The following GRIK4 variants were observed in gnomAD, a reference collection of about 807,000 sequenced individuals.
GRIK4 encodes the protein glutamate ionotropic receptor kainate type subunit 4.
A neutral mutation model predicts 104.9 loss-of-function variants in GRIK4; 40 were observed. The ratio of observed to expected loss-of-function variants is 0.38; its 90% CI spans 0.30 to 0.50. GRIK4 has a LOEUF of 0.50. GRIK4 is among the 20% of genes least tolerant of loss of function. GRIK4 has a pLI of 0.93. For missense variants in GRIK4, 1,047 were observed against 1,308.1 expected, an observed-to-expected ratio of 0.80 and a Z score of 3.08; for synonymous variants, 485 against 524.9, an observed-to-expected ratio of 0.92 and a Z score of 1.04.
chr11:120,756,094 A>C, intron 3 of GRIK4, among the ~76,000 whole-genome samples: 1 of 152,132 alleles, frequency 6.6e-6, no homozygotes, highest in East Asian at 1.9e-4. Context: ...GACTGATGCT[A>C]TCTGCCCCAG....
At chr11:120,830,480 T>C (rs1052304176) in intron 6 of GRIK4, among the ~76,000 whole-genome samples, 8 of 152,054 alleles carry the variant, frequency 5.3e-5, no homozygotes, top group African/African-American at 1.9e-4. Flanking sequence ...GCCTGGGTGG[T>C]GAGTAACCTA....
At position 120,819,756 on chromosome 11, in the gene GRIK4, T is replaced by TC. The variant is rs1359094187; in HGVS notation, c.350dup (p.His118SerfsTer28). The TC allele has an allele frequency of 6.2e-7, 1 of 1,613,964 alleles. No homozygotes were observed. The highest frequency in any genetic ancestry group is 2.2e-5 in the East Asian group (1 of 44,892). The stretch of plus-strand genomic sequence containing the variant: ...GTCCGTTTTTGCTCCTCTTGCCAGG[T>TC]CCCTCACTTCAAAGTGGCCCCAGAG... On this transcript the variant is annotated frameshift_variant and splice_region_variant, in exon 6 of 21. Transcript: ENST00000527524. LOFTEE classifies it high-confidence loss of function. This position sits in a 1 kb window ranked among gnomAD's most constrained non-coding sequence, Gnocchi z 4.3.
At chr11:120,596,856 C>A (rs1484878960) in intron 1 of GRIK4, among the ~76,000 whole-genome samples, 2 of 152,078 alleles carry the variant, frequency 1.3e-5, no homozygotes, top group African/African-American at 4.8e-5. Flanking sequence ...TGCCGAGTGG[C>A]TGGGATTACA....
At chr11:120,656,331 C>T (rs1949709509) in intron 2 of GRIK4, among the ~76,000 whole-genome samples, 1 of 152,198 alleles carries the variant, frequency 6.6e-6, no homozygotes, top group Non-Finnish European at 1.5e-5. Flanking sequence ...TTCAGCTAGT[C>T]ATGTATCTTT....
intron 9 of GRIK4, chr11:120,869,111 T>C (rs1242304353): frequency 6.6e-6 from 1 of 152,364 alleles, no homozygotes; most frequent in African/African-American, 2.4e-5. Context: ...GATTGGTGAC[T>C]GTGAGGAGAG....
At chr11:120,538,500 C>A (rs1948001570) in intron 1 of GRIK4, among the ~76,000 whole-genome samples, 1 of 152,250 alleles carries the variant, frequency 6.6e-6, no homozygotes. Context: ...ATTTCCCTTT[C>A]CTTTCTCCGT....
intron 1 of GRIK4, among the ~76,000 whole-genome samples, chr11:120,604,268 A>T (rs1948929085): frequency 6.6e-6 from 1 of 151,980 alleles, no homozygotes; most frequent in African/African-American, 2.4e-5. Flanking sequence ...TGCCACAAAG[A>T]ATGATCTGGC....
intron 1 of GRIK4, among the ~76,000 whole-genome samples, chr11:120,600,130 T>C (rs1031939279): frequency 3.3e-5 from 5 of 152,072 alleles, no homozygotes; most frequent in Non-Finnish European, 4.4e-5. Context: ...TCAGGTGTGT[T>C]TGGGGAAAGG....
intron 1 of GRIK4, among the ~76,000 whole-genome samples, chr11:120,594,380 G>A (rs1948773926): frequency 6.6e-6 from 1 of 152,222 alleles, no homozygotes; most frequent in South Asian, 2.1e-4. Context: ...AGGAGGCTGA[G>A]GTGGGAGGAT....
At chr11:120,803,298 C>T (rs887133224) in intron 4 of GRIK4, among the ~76,000 whole-genome samples, 4 of 152,162 alleles carry the variant, frequency 2.6e-5, no homozygotes, top group Non-Finnish European at 5.9e-5. Flanking sequence ...GGAATTTGAC[C>T]ACTCACTCTC....
intron 1 of GRIK4, among the ~76,000 whole-genome samples, chr11:120,623,727 A>C (rs1949218345): frequency 6.6e-6 from 1 of 152,188 alleles, no homozygotes; most frequent in Admixed American, 6.5e-5. Flanking sequence ...TTCTTCATAA[A>C]TTTAGGAAAT....
In GRIK4 at chr11:120,987,463, G is replaced by C. The variant is rs930146422; in HGVS notation, c.*1203G>C. On this transcript the variant is annotated 3_prime_UTR_variant, in exon 21 of 21. Coordinates refer to ENST00000527524, the MANE Select transcript of GRIK4 (RefSeq NM_014619.5). ...TGCAAGTGTATGTGTGTGTATGTGTGCGCGCGTGTGCGTGTGTGTATTTAT... is the reference window on the plus strand; with the variant it reads ...TGCAAGTGTATGTGTGTGTATGTGTCCGCGCGTGTGCGTGTGTGTATTTAT... The C allele has an allele frequency of 1.3e-5, 2 of 152,198 alleles. No homozygotes were observed. Among genetic ancestry groups the C allele is most frequent in the African/African-American group, 4.8e-5 (2 of 41,416 alleles). 9.4% of individuals were successfully genotyped at this position (152,198 alleles called of 1,614,324 possible).
rs1949166366 is a variant in GRIK4 at position 120,620,069 on chromosome 11, A to G, written c.-158-33616A>G. ...GTGCATACTTTTGATAGCACATGTG[A>G]AGGTACCTCTCTAAAACTGGCCTCA... On this transcript the variant is annotated intron_variant, in intron 1 of 20. Transcript: ENST00000527524. The G allele has an allele frequency of 7.4e-6, 5 of 673,872 alleles. No individual in the cohort carries two copies. In the East Asian group the frequency reaches 1.3e-4, roughly 17 times the overall value. 41.7% of individuals were successfully genotyped at this position (673,872 alleles called of 1,614,324 possible). A position where few individuals can be genotyped will look rare whatever the true frequency, so the allele number is the denominator to read the frequency against.
intron 13 of GRIK4, among the ~76,000 whole-genome samples, chr11:120,922,221 A>C (rs1027371584): frequency 6.6e-6 from 1 of 152,188 alleles, no homozygotes; most frequent in Non-Finnish European, 1.5e-5. Context: ...CCCCCATTTT[A>C]TAGATCAGAA....
At chr11:120,960,457 G>A (rs755919928) in intron 16 of GRIK4, among the ~76,000 whole-genome samples, 8 of 152,352 alleles carry the variant, frequency 5.3e-5, no homozygotes, top group Non-Finnish European at 1.0e-4. Flanking sequence ...AAGTGAGATA[G>A]TGGATGTAGC....
At chr11:120,738,524 CCATCACCGTT>C (rs1951266923) in intron 3 of GRIK4, among the ~76,000 whole-genome samples, 1 of 152,204 alleles carries the variant, frequency 6.6e-6, no homozygotes, top group Non-Finnish European at 1.5e-5. Context: ...CTGCTGAAGT[CCATCACCGTT>C]CATCCCCCAC....
intron 4 of GRIK4, among the ~76,000 whole-genome samples, chr11:120,805,876 A>G (rs1000207172): frequency 1.3e-5 from 2 of 152,220 alleles, no homozygotes; most frequent in African/African-American, 2.4e-5. Flanking sequence ...AGGAGAGCCC[A>G]CAGCTCTGTG....
At chr11:120,949,971 T>C (rs1943959220) in intron 14 of GRIK4, among the ~76,000 whole-genome samples, 1 of 152,148 alleles carries the variant, frequency 6.6e-6, no homozygotes, top group South Asian at 2.1e-4. Context: ...AATCAATTAT[T>C]TGGAAGAAAT....
chr11:120,853,676 A>ACTT (rs1954030353), intron 8 of GRIK4, among the ~76,000 whole-genome samples: 1 of 152,262 alleles, frequency 6.6e-6, no homozygotes, highest in Non-Finnish European at 1.5e-5. Flanking sequence ...GGAGGGAAGC[A>ACTT]GATCCAAGTG....
Sources: allele counts gnomAD v4.1 joint callset (sites outside exome capture counted in the v4.1 genomes callset), GRCh38; gene constraint gnomAD v4.1.1; non-coding constraint Gnocchi (gnomAD v3.1); transcripts MANE v1.5; gene names NCBI Gene and HGNC (gene_info 2026-07-23, HGNC 2026-07-21).